Variants in CHD5 observed in about 807,000 individuals in gnomAD.
CHD5 encodes chromodomain helicase DNA binding protein 5.
CHD5 carries 69 observed loss-of-function variants against 230.3 expected under a neutral mutation model. The ratio of observed to expected loss-of-function variants is 0.30; its 90% CI spans 0.25 to 0.37. CHD5 has a LOEUF of 0.37. Among genes scored for constraint, CHD5 ranks in the 10% least tolerant of loss-of-function variants. The probability of loss-of-function intolerance (pLI) is 1.00; values close to 1 mark genes in which losing one functional copy is unlikely to be tolerated. For missense variants in CHD5, 1,827 were observed against 2,622.8 expected (o/e 0.70, Z 6.63); for synonymous variants, 1,064 against 1,065.9 (o/e 1.00, Z 0.03).
rs542694230 is a variant in CHD5 at position 6,133,349 on chromosome 1, T to A, written c.3144+779A>T. ...GCCCCTGGTCTCAAACTTGCCCTGC[T>A]TTCCAGTATTCTTCGGGCTGAAGCA... On this transcript the variant is annotated intron_variant, in intron 20 of 41. Coordinates refer to ENST00000262450, the MANE Select transcript of CHD5 (RefSeq NM_015557.3). 8.5e-5 allele frequency among the ~76,000 whole-genome samples: 13 copies of A among 152,366 alleles called. No homozygotes were observed. The East Asian group carries it at 2.5e-3, about 29-fold the overall frequency.
At chr1:6,109,464 C>T (rs956881124) in intron 38 of CHD5, among the ~76,000 whole-genome samples, 1 of 152,188 alleles carries the variant, frequency 6.6e-6, no homozygotes, top group Middle Eastern at 3.2e-3. Context: ...GGGTATTGCC[C>T]GGGCTAAAGA....
At chr1:6,160,023 A>C (rs1667142496) in intron 2 of CHD5, among the ~76,000 whole-genome samples, 2 of 150,658 alleles carry the variant, frequency 1.3e-5, no homozygotes, top group Non-Finnish European at 3.0e-5. Context: ...AGAGAAGAAA[A>C]GCCCCAGCCA....
At chr1:6,138,126 T>G (rs1427372328) in intron 15 of CHD5, among the ~76,000 whole-genome samples, 1 of 152,178 alleles carries the variant, frequency 6.6e-6, no homozygotes, top group Non-Finnish European at 1.5e-5. Flanking sequence ...CTATAATCCC[T>G]GCACTTTGGG....
chr1:6,108,848 T>C (rs1017049635), intron 38 of CHD5, among the ~76,000 whole-genome samples: 2 of 128,278 alleles, frequency 1.6e-5, no homozygotes, highest in Admixed American at 8.0e-5. Context: ...GGTGAAAGAA[T>C]AGAGGGATGG....
intron 2 of CHD5, among the ~76,000 whole-genome samples, chr1:6,160,902 A>G (rs11121360): frequency 0.69 from 104,693 of 151,684 alleles, 36,368 homozygotes; most frequent in East Asian, 0.96. Context: ...CTTTAGAGAC[A>G]CAAGTCAACT....
chr1:6,142,672 T>C lies in CHD5; in HGVS notation c.2044-67A>G. On this transcript the variant is annotated intron_variant, in intron 13 of 41. Coordinates refer to ENST00000262450, the MANE Select transcript of CHD5 (RefSeq NM_015557.3). This position sits in a 1 kb window ranked among gnomAD's most constrained non-coding sequence, Gnocchi z 5.2. The stretch of plus-strand genomic sequence containing the variant: ...GCCACCAGAGTCCACACTACAGGCC[T>C]TTGCACATGCAATTCCTTCTGCCTG... 6.8e-7 allele frequency: 1 copy of C among 1,467,488 alleles called. No individual in the cohort carries two copies. The highest frequency in any genetic ancestry group is 1.3e-5 in the South Asian group (1 of 75,146). 90.9% of individuals were successfully genotyped at this position (1,467,488 alleles called of 1,614,324 possible). A position where few individuals can be genotyped will look rare whatever the true frequency, so the allele number is the denominator to read the frequency against.
At chr1:6,143,326 C>A (rs1407842876) in intron 13 of CHD5, among the ~76,000 whole-genome samples, 1 of 152,210 alleles carries the variant, frequency 6.6e-6, no homozygotes, top group African/African-American at 2.4e-5. Context: ...AGCCACCATG[C>A]CCGGCCCATT....
intron 38 of CHD5, among the ~76,000 whole-genome samples, chr1:6,107,135 G>A (rs1310869170): frequency 6.9e-6 from 1 of 145,142 alleles, no homozygotes; most frequent in African/African-American, 2.6e-5. Context: ...GAGGGATAAT[G>A]TAGGGATAAT....
In CHD5 at chr1:6,110,522, C is replaced by T; in HGVS notation, c.5254G>A (p.Gly1752Ser). The change falls in exon 37 of 42, where the codon GGC (glycine) becomes AGC (serine). Residue 1752 changes from glycine (G) to serine (S), a missense_variant. By Grantham distance (56) the Gly-to-Ser change is moderately conservative. Transcript: ENST00000262450. ...TGGATGTCCTGCCAGCGGGCGTAGC[C>T]GTGCCTGGGTGGGGCACCATTAAGG... Reference protein sequence around the residue: ...YWLLAGIVTHGYARWQDIQND... With the variant: ...YWLLAGIVTHSYARWQDIQND... The T allele has an allele frequency of 6.5e-7, 1 of 1,541,624 alleles. No individual in the cohort carries two copies.
intron 17 of CHD5, among the ~76,000 whole-genome samples, chr1:6,135,652 A>G (rs775927398): frequency 6.6e-6 from 1 of 152,204 alleles, no homozygotes; most frequent in Non-Finnish European, 1.5e-5. Flanking sequence ...TATTACCCAG[A>G]TAACAGATGA....
chr1:6,128,986 G>A lies in CHD5; in HGVS notation c.3471C>T (p.Arg1157=), dbSNP rs143180196. 5.5e-4 allele frequency: 881 copies of A among 1,612,352 alleles called. 3 individuals carry two copies. The highest frequency in any genetic ancestry group is 1.5e-3 in the South Asian group (139 of 91,070). The part of the protein sequence containing the change: ...RFVTRASVEE[R]ITQVAKRKMM... ...TCTTGCGCTTGGCCACCTGCGTGATGCGCTCCTCCACCGAGGCCCGAGTCA... is the reference window on the plus strand; with the variant it reads ...TCTTGCGCTTGGCCACCTGCGTGATACGCTCCTCCACCGAGGCCCGAGTCA... Residue 1157 remains arginine, a synonymous_variant, in exon 23 of 42, where the codon CGC becomes CGT. Transcript: ENST00000262450. This position sits in a 1 kb window ranked among gnomAD's most constrained non-coding sequence, Gnocchi z 7.8.
intron 2 of CHD5, among the ~76,000 whole-genome samples, chr1:6,162,350 T>C (rs1667191219): frequency 6.6e-6 from 1 of 151,356 alleles, no homozygotes; most frequent in Non-Finnish European, 1.5e-5. Context: ...CGCACCATTG[T>C]ACTCCAGCCT....
chr1:6,142,227 G>A lies in CHD5; in HGVS notation c.2337C>T (p.Thr779=), dbSNP rs151137723. 620 of 1,614,218 alleles carry A rather than the reference G, an allele frequency of 3.8e-4. No individual in the cohort carries two copies. Among genetic ancestry groups the A allele is most frequent in the Non-Finnish European group, 3.6e-4 (425 of 1,180,034 alleles). ...EMWAPDFYVV[T]YTGDKESRSV... is the part of the protein sequence containing the mutation. ...AGCGGCTCTCCTTGTCCCCCGTGTA[G>A]GTGACCACGTAGAAGTCGGGCGCCC... Residue 779 remains threonine, a synonymous_variant, in exon 15 of 42, where the codon ACC becomes ACT. Coordinates refer to ENST00000262450, the MANE Select transcript of CHD5 (RefSeq NM_015557.3). The surrounding 1 kb of genome is among the most constrained non-coding windows in gnomAD (Gnocchi z 5.2).
chr1:6,145,967 G>A (rs1021598323), intron 11 of CHD5, among the ~76,000 whole-genome samples: 1 of 152,164 alleles, frequency 6.6e-6, no homozygotes, highest in Non-Finnish European at 1.5e-5. Flanking sequence ...ACGCCCCAGG[G>A]GTGTGAACAC....
chr1:6,125,424 A>G lies in CHD5; in HGVS notation c.4260+100T>C. The G allele has an allele frequency of 7.3e-7, 1 of 1,365,616 alleles. No individual in the cohort carries two copies. Among genetic ancestry groups the G allele is most frequent in the Non-Finnish European group, 1.0e-6 (1 of 988,860 alleles). 84.6% of individuals were successfully genotyped at this position (1,365,616 alleles called of 1,614,324 possible). ...CAAGTTCTGTCCAAGCTCCGCCTCT[A>G]CCTGGCATGAGACCCGGGGCAGTCC... is the stretch of plus-strand genomic sequence containing the variant. On this transcript the variant is annotated intron_variant, in intron 28 of 41. Transcript: ENST00000262450. The surrounding 1 kb of genome is among the most constrained non-coding windows in gnomAD (Gnocchi z 6.7).
rs749430673 is a variant in CHD5 at position 6,125,475 on chromosome 1, G to A, written c.4260+49C>T. 6.6e-7 allele frequency: 1 copy of A among 1,522,278 alleles called. No individual in the cohort carries two copies. The highest frequency in any genetic ancestry group is 8.9e-7 in the Non-Finnish European group (1 of 1,120,340). The allele number at this position is 1,522,278 out of a possible 1,614,324, so 94.3% of individuals were successfully genotyped here. Reference sequence around the variant, plus strand: ...CCCAGCCCTCCTCCATACCCCAGGGGCAGCAGGAAGCAGGGGCAGAAAGAG... The same window carrying A: ...CCCAGCCCTCCTCCATACCCCAGGGACAGCAGGAAGCAGGGGCAGAAAGAG... On this transcript the variant is annotated intron_variant, in intron 28 of 41. Transcript: ENST00000262450. The surrounding 1 kb of genome is among the most constrained non-coding windows in gnomAD (Gnocchi z 6.7).
Position 6,134,984 on chromosome 1 carries a change from C to A in CHD5, c.2871-125G>T. The A allele has an allele frequency of 7.7e-7, 1 of 1,293,150 alleles. No individual in the cohort carries two copies. The highest frequency in any genetic ancestry group is 2.3e-5 in the East Asian group (1 of 43,012). 80.1% of individuals were successfully genotyped at this position (1,293,150 alleles called of 1,614,324 possible). A position where few individuals can be genotyped will look rare whatever the true frequency, so the allele number is the denominator to read the frequency against. ...ATTTACAGAGAGACCCAAGGGACCCCCAAGAGGTGAAGCCACCGGCCTGGA... is the reference window on the plus strand; with the variant it reads ...ATTTACAGAGAGACCCAAGGGACCCACAAGAGGTGAAGCCACCGGCCTGGA... On this transcript the variant is annotated intron_variant, in intron 18 of 41. Coordinates refer to ENST00000262450, the MANE Select transcript of CHD5 (RefSeq NM_015557.3). The surrounding 1 kb of genome is among the most constrained non-coding windows in gnomAD (Gnocchi z 6.3).
intron 1 of CHD5, among the ~76,000 whole-genome samples, chr1:6,169,031 A>AG (rs527265108): frequency 1.3e-5 from 2 of 150,696 alleles, no homozygotes; most frequent in African/African-American, 5.0e-5. Context: ...AAAAAAAAAA[A>AG]AAAGAGAGAG....
chr1:6,113,774 C>A (rs944036247), intron 33 of CHD5, among the ~76,000 whole-genome samples: 2 of 152,202 alleles, frequency 1.3e-5, no homozygotes, highest in African/African-American at 2.4e-5. Flanking sequence ...AGTGAGGAAC[C>A]CACACCCAAC....
Sources: allele counts gnomAD v4.1 joint callset (sites outside exome capture counted in the v4.1 genomes callset), GRCh38; gene constraint gnomAD v4.1.1; non-coding constraint Gnocchi (gnomAD v3.1); transcripts MANE v1.5; gene names NCBI Gene and HGNC (gene_info 2026-07-23, HGNC 2026-07-21).